Variants in MTMR14 observed in about 807,000 individuals in gnomAD.
MTMR14 encodes the protein myotubularin related protein 14, also known as phosphatidylinositol-3,5-bisphosphate 3-phosphatase MTMR14.
MTMR14 carries 48 observed loss-of-function variants against 86.3 expected under a neutral mutation model. That is an observed-to-expected ratio of 0.56 (90% CI 0.44 to 0.71). The LOEUF (loss-of-function observed/expected upper bound fraction) is 0.71. Ranked by LOEUF, MTMR14 falls within the 30% of genes least tolerant of loss-of-function variation. The pLI is 0.00. For synonymous variants in MTMR14, 366 were observed against 326.1 expected (o/e 1.12, Z -1.32); for missense variants, 780 against 834.6 (o/e 0.93, Z 0.81).
chr3:9,691,108 C>T (rs141553701), intron 17 of MTMR14, among the ~76,000 whole-genome samples: 1 of 152,374 alleles, frequency 6.6e-6, no homozygotes, highest in Non-Finnish European at 1.5e-5. Context: ...GAAGAACATC[C>T]TCTGCACATA....
chr3:9,651,319 T>C (rs1289617948), intron 1 of MTMR14, among the ~76,000 whole-genome samples: 1 of 151,552 alleles, frequency 6.6e-6, no homozygotes, highest in Non-Finnish European at 1.5e-5. Flanking sequence ...CCCTGGCTGG[T>C]CTCAAACTCC....
intron 3 of MTMR14, among the ~76,000 whole-genome samples, chr3:9,666,250 C>T (rs552685784): frequency 6.6e-6 from 1 of 151,504 alleles, no homozygotes; most frequent in South Asian, 2.1e-4. Flanking sequence ...TCTTGTGCCT[C>T]AGCCTCCCAA....
chr3:9,683,051 C>A (rs2075822733), intron 9 of MTMR14, 127 bp from the exon 10 acceptor site: 3 of 669,896 alleles, frequency 4.5e-6, no homozygotes, highest in Admixed American at 2.5e-5. Flanking sequence ...GGATTCAAAA[C>A]CTATGGTCTG....
intron 3 of MTMR14, among the ~76,000 whole-genome samples, chr3:9,663,501 CTT>C (rs4021721): frequency 0.032 from 2,253 of 69,896 alleles, 143 homozygotes; most frequent in African/African-American, 0.1. Flanking sequence ...GAGTCTCTCT[CTT>C]TTTTTTTTTT....
intron 9 of MTMR14, among the ~76,000 whole-genome samples, chr3:9,681,690 TGTTTGTTTTTTA>T (rs1396315048): frequency 6.6e-6 from 1 of 152,206 alleles, no homozygotes; most frequent in African/African-American, 2.4e-5. Context: ...TTTGTTTGTT[TGTTTGTTTTTTA>T]GCATATCTCC....
chr3:9,662,920 ATC>A (rs1253329054), intron 3 of MTMR14, among the ~76,000 whole-genome samples: 1 of 152,132 alleles, frequency 6.6e-6, no homozygotes, highest in Non-Finnish European at 1.5e-5. Context: ...TTTCATTTTT[ATC>A]TATCTTTTGG....
At chr3:9,671,259 T>C in intron 6 of MTMR14, 89 bp downstream of exon 6, 1 of 1,579,330 alleles carries the variant, frequency 6.3e-7, no homozygotes, top group Non-Finnish European at 8.7e-7. Flanking sequence ...CACTGCGTGC[T>C]GGCCTTCTTA....
In MTMR14 at chr3:9,657,737, G is replaced by A. The variant is rs145473368; in HGVS notation, c.308+3968G>A. The stretch of plus-strand genomic sequence containing the variant: ...GGCCAATTTTTGTATTTTTAGTAAA[G>A]ACGGGGTTTCAACATCTTGGCCAGG... On this transcript the variant is annotated intron_variant, in intron 2 of 18. Transcript: ENST00000296003. 7.4e-3 allele frequency among the ~76,000 whole-genome samples: 1,130 copies of A among 152,156 alleles called. 16 individuals carry two copies. Among genetic ancestry groups the A allele is most frequent in the Middle Eastern group, 0.02 (6 of 294 alleles).
chr3:9,683,106 C>T lies in MTMR14; in HGVS notation c.898-72C>T, dbSNP rs931784686. The T allele has an allele frequency of 1.3e-5, 19 of 1,446,734 alleles. No individual in the cohort carries two copies. The Admixed American group carries it at 2.4e-4, about 18-fold the overall frequency. 89.6% of individuals were successfully genotyped at this position (1,446,734 alleles called of 1,614,324 possible). A position where few individuals can be genotyped will look rare whatever the true frequency, so the allele number is the denominator to read the frequency against. ...GTTGTTGCCCCAGAATAACTCTTGG[C>T]ATTTTATTTTTTAAATACTTTAAAT... On this transcript the variant is annotated intron_variant, in intron 9 of 18. Transcript: ENST00000296003.
intron 7 of MTMR14, among the ~76,000 whole-genome samples, chr3:9,674,608 A>T (rs748559165): frequency 2.6e-5 from 4 of 152,150 alleles, no homozygotes; most frequent in Non-Finnish European, 5.9e-5. Flanking sequence ...GGAAACAGCG[A>T]CACTCTGTCT....
At chr3:9,678,151 G>T in intron 9 of MTMR14, 93 bp downstream of exon 9, 1 of 1,309,826 alleles carries the variant, frequency 7.6e-7, no homozygotes, top group Non-Finnish European at 1.1e-6. Flanking sequence ...TCGTGTGTTT[G>T]CCTGATGGGC....
At chr3:9,673,238 A>C (rs1421995452) in intron 7 of MTMR14, among the ~76,000 whole-genome samples, 1 of 152,266 alleles carries the variant, frequency 6.6e-6, no homozygotes, top group Non-Finnish European at 1.5e-5. Context: ...TGCCCCAGGC[A>C]AGGCTATTCT....
At chr3:9,682,923 T>C (rs2075814199) in intron 9 of MTMR14, among the ~76,000 whole-genome samples, 1 of 151,404 alleles carries the variant, frequency 6.6e-6, no homozygotes, top group Non-Finnish European at 1.5e-5. Flanking sequence ...CACTCTCACA[T>C]TGGGTCAGAG....
chr3:9,649,544 G>T lies in MTMR14; in HGVS notation c.-40G>T. ...GAGTTGGGTGCAGGCAGGTGCCATGGGCCCGCTTGAGGCACACTGAGGGGA... is the reference window on the plus strand; with the variant it reads ...GAGTTGGGTGCAGGCAGGTGCCATGTGCCCGCTTGAGGCACACTGAGGGGA... On this transcript the variant is annotated 5_prime_UTR_variant, in exon 1 of 19. Transcript: ENST00000296003. The T allele has an allele frequency of 6.6e-7, 1 of 1,519,238 alleles. No homozygotes were observed. 94.1% of individuals were successfully genotyped at this position (1,519,238 alleles called of 1,614,324 possible).
In MTMR14 at chr3:9,677,292, T is replaced by C; in HGVS notation, c.752-25T>C. On this transcript the variant is annotated intron_variant, in intron 7 of 18. Coordinates refer to ENST00000296003, the MANE Select transcript of MTMR14 (RefSeq NM_001077525.3). This position sits in a 1 kb window ranked among gnomAD's most constrained non-coding sequence, Gnocchi z 4.2. Reference sequence around the variant, plus strand: ...AGACTTTGGGCTGGGAAGGGAGATGTCATAACTCTGCCCTTCTTTTCCAGG... The same window carrying C: ...AGACTTTGGGCTGGGAAGGGAGATGCCATAACTCTGCCCTTCTTTTCCAGG... 6.2e-7 allele frequency: 1 copy of C among 1,611,868 alleles called. No homozygotes were observed. Among genetic ancestry groups the C allele is most frequent in the Non-Finnish European group, 8.5e-7 (1 of 1,177,978 alleles).
At chr3:9,682,803 T>C (rs2075810351) in intron 9 of MTMR14, among the ~76,000 whole-genome samples, 1 of 152,222 alleles carries the variant, frequency 6.6e-6, no homozygotes, top group Non-Finnish European at 1.5e-5. Flanking sequence ...GCTCTTCGTT[T>C]ACCTTTACTG....
chr3:9,669,595 G>A (rs745572808), intron 5 of MTMR14, 103 bp downstream of exon 5: 244 of 1,238,050 alleles, frequency 2.0e-4, no homozygotes, highest in Non-Finnish European at 2.7e-4. Context: ...CACTGGTTCA[G>A]GTGAGTGGAT....
At chr3:9,654,008 T>G in intron 2 of MTMR14, 3 of 548,272 alleles carry the variant, frequency 5.5e-6, no homozygotes. Flanking sequence ...GAGCTCATTG[T>G]CCTAAGATAG....
At chr3:9,664,204 C>G (rs147399628) in intron 3 of MTMR14, among the ~76,000 whole-genome samples, 1 of 150,756 alleles carries the variant, frequency 6.6e-6, no homozygotes, top group African/African-American at 2.4e-5. Context: ...GACATGCTTG[C>G]GAAAAGCATT....
Sources: gnomAD v4.1 joint callset for allele counts (sites outside exome capture counted in the v4.1 genomes callset) on GRCh38, gnomAD v4.1.1 for gene constraint, Gnocchi (gnomAD v3.1) non-coding constraint, MANE v1.5 for transcripts, NCBI Gene and HGNC (gene_info 2026-07-23, HGNC 2026-07-21) for gene names.